The following VAV1 variants were observed in gnomAD, a reference collection of about 807,000 sequenced individuals.
VAV1 encodes the protein vav guanine nucleotide exchange factor 1.
Under a neutral mutation model 128.1 loss-of-function variants are expected in VAV1, and 33 were observed. The observed-to-expected ratio is 0.26, with a 90% CI of 0.20 to 0.34. The LOEUF (loss-of-function observed/expected upper bound fraction) is 0.34. Among genes scored for constraint, VAV1 ranks in the 10% least tolerant of loss-of-function variants. VAV1 has a pLI of 1.00. For synonymous variants in VAV1, 394 were observed against 409.8 expected (o/e 0.96, Z 0.47); for missense variants, 715 against 1,093.7 (o/e 0.65, Z 4.88).
chr19:6,785,641 GTTTCTTTC>G (rs202101579), intron 1 of VAV1, among the ~76,000 whole-genome samples: 1 of 142,878 alleles, frequency 7.0e-6, no homozygotes, highest in Non-Finnish European at 1.5e-5. Flanking sequence ...CAGTGGCCAG[GTTTCTTTC>G]TTTCTTTCTT....
chr19:6,784,141 C>T (rs982028559), intron 1 of VAV1: 5 of 531,524 alleles, frequency 9.4e-6, no homozygotes, highest in Non-Finnish European at 1.7e-5. Context: ...ATAGTCTCAG[C>T]TACTCAGGAA....
At position 6,828,277 on chromosome 19, in the gene VAV1, G is replaced by A; in HGVS notation, c.1023+106G>A. ...GGGGTTGGGTCTCTAGGACGCTCGG[G>A]GATGGGTCACTGGGGTCATGTCTCA... On this transcript the variant is annotated intron_variant, in intron 10 of 26. Coordinates refer to ENST00000602142, the MANE Select transcript of VAV1 (RefSeq NM_005428.4). This position sits in a 1 kb window ranked among gnomAD's most constrained non-coding sequence, Gnocchi z 4.5. 3 of 1,510,120 alleles carry A rather than the reference G, an allele frequency of 2.0e-6. No individual in the cohort carries two copies. The highest frequency in any genetic ancestry group is 2.7e-6 in the Non-Finnish European group (3 of 1,099,674). The allele number at this position is 1,510,120 out of a possible 1,614,324, so 93.5% of individuals were successfully genotyped here.
At chr19:6,782,379 A>T (rs1473333883) in intron 1 of VAV1, among the ~76,000 whole-genome samples, 1 of 152,042 alleles carries the variant, frequency 6.6e-6, no homozygotes, top group African/African-American at 2.4e-5. Flanking sequence ...ATAAAATAAA[A>T]TGGAAATGTT....
At chr19:6,819,555 T>C (rs1044878776) in intron 1 of VAV1, among the ~76,000 whole-genome samples, 6 of 152,358 alleles carry the variant, frequency 3.9e-5, no homozygotes, top group Admixed American at 3.9e-4. Context: ...TCCTTTTTTA[T>C]GGCTGAGTAA....
At chr19:6,773,873 G>A (rs1457035147) in intron 1 of VAV1, among the ~76,000 whole-genome samples, 1 of 152,092 alleles carries the variant, frequency 6.6e-6, no homozygotes, top group African/African-American at 2.4e-5. Flanking sequence ...CGGGGGACGG[G>A]GCGGGGCTGG....
intron 1 of VAV1, among the ~76,000 whole-genome samples, chr19:6,782,085 C>T (rs1192404025): frequency 6.6e-6 from 1 of 152,094 alleles, no homozygotes; most frequent in Non-Finnish European, 1.5e-5. Flanking sequence ...AATCCCAGCA[C>T]TTCGGGAGGC....
At chr19:6,776,685 C>T (rs574337521) in intron 1 of VAV1, among the ~76,000 whole-genome samples, 4 of 151,822 alleles carry the variant, frequency 2.6e-5, no homozygotes, top group African/African-American at 9.7e-5. Context: ...TCCACCCATC[C>T]ACCCACCCAC....
intron 25 of VAV1, 109 bp downstream of exon 25, chr19:6,853,188 C>A: frequency 1.3e-6 from 1 of 765,976 alleles, no homozygotes; most frequent in Non-Finnish European, 2.1e-6. Flanking sequence ...GAGGTCATAT[C>A]TGTGCAGTAG....
chr19:6,847,444 G>T (rs916583258), intron 22 of VAV1, among the ~76,000 whole-genome samples: 1 of 152,152 alleles, frequency 6.6e-6, no homozygotes, highest in African/African-American at 2.4e-5. Flanking sequence ...CTCACTGAGT[G>T]TGATGTTTTA....
chr19:6,853,811 G>C, intron 25 of VAV1, 136 bp from the exon 26 acceptor site: 1 of 1,073,176 alleles, frequency 9.3e-7, no homozygotes, highest in Non-Finnish European at 1.3e-6. Flanking sequence ...TTACAGTACA[G>C]GGCATCTAAT....
At chr19:6,803,872 T>C (rs894039736) in intron 1 of VAV1, among the ~76,000 whole-genome samples, 2 of 151,954 alleles carry the variant, frequency 1.3e-5, no homozygotes, top group Non-Finnish European at 2.9e-5. Context: ...GCGCAGACAA[T>C]GGAATATTAT....
At chr19:6,799,558 C>T (rs1031391111) in intron 1 of VAV1, among the ~76,000 whole-genome samples, 3 of 152,050 alleles carry the variant, frequency 2.0e-5, no homozygotes, top group Middle Eastern at 3.2e-3. Context: ...ATCCATCAAC[C>T]CATCATCTAC....
intron 1 of VAV1, among the ~76,000 whole-genome samples, chr19:6,786,808 ATTATT>A (rs1329859894): frequency 6.6e-6 from 1 of 151,852 alleles, no homozygotes; most frequent in Non-Finnish European, 1.5e-5. Flanking sequence ...CAAAATAAAA[ATTATT>A]TTATTTATTT....
At chr19:6,790,434 C>T (rs1429273323) in intron 1 of VAV1, among the ~76,000 whole-genome samples, 1 of 152,116 alleles carries the variant, frequency 6.6e-6, no homozygotes, top group Non-Finnish European at 1.5e-5. Flanking sequence ...CTCTCATAAT[C>T]CTAGAGGCCA....
intron 1 of VAV1, 37 bp downstream of exon 1, chr19:6,773,048 G>C: frequency 1.2e-6 from 2 of 1,613,028 alleles, no homozygotes; most frequent in South Asian, 2.2e-5. Flanking sequence ...GAGGGTTGGA[G>C]ACGGGGGTCC....
intron 1 of VAV1, among the ~76,000 whole-genome samples, chr19:6,817,754 G>T (rs1373056727): frequency 6.6e-6 from 1 of 151,744 alleles, no homozygotes; most frequent in Non-Finnish European, 1.5e-5. Context: ...TGGCACCGTC[G>T]TGGCTCACCG....
In VAV1 at chr19:6,820,357, C is replaced by T. The variant is rs1204725563; in HGVS notation, c.205-345C>T. 6.6e-6 allele frequency among the ~76,000 whole-genome samples: 1 copy of T among 152,126 alleles called. No individual in the cohort carries two copies. On this transcript the variant is annotated intron_variant, in intron 1 of 26. Coordinates refer to ENST00000602142, the MANE Select transcript of VAV1 (RefSeq NM_005428.4). This position sits in a 1 kb window ranked among gnomAD's most constrained non-coding sequence, Gnocchi z 4.4. ...CTCAGTGATCCACTCATCTCCGCCTCCTGAGTAGTTCAAAATGTTTTTCAG... is the reference window on the plus strand; with the variant it reads ...CTCAGTGATCCACTCATCTCCGCCTTCTGAGTAGTTCAAAATGTTTTTCAG...
intron 9 of VAV1, among the ~76,000 whole-genome samples, chr19:6,827,587 T>TTTTTG (rs1418271184): frequency 6.6e-6 from 1 of 151,642 alleles, no homozygotes; most frequent in Non-Finnish European, 1.5e-5. Context: ...TCCCATTGCT[T>TTTTTG]TTTTGTTTGT....
intron 1 of VAV1, among the ~76,000 whole-genome samples, chr19:6,803,239 G>A (rs12232870): frequency 0.024 from 3,654 of 152,298 alleles, 127 homozygotes; most frequent in African/African-American, 0.077. Flanking sequence ...TGAGCCCGGA[G>A]TAATCAGGGT....
Sources: allele counts gnomAD v4.1 joint callset (sites outside exome capture counted in the v4.1 genomes callset), GRCh38; gene constraint gnomAD v4.1.1; non-coding constraint Gnocchi (gnomAD v3.1); transcripts MANE v1.5; gene names NCBI Gene and HGNC (gene_info 2026-07-23, HGNC 2026-07-21).